TENM2: variants seen among roughly 807,000 people sequenced by gnomAD.
The protein encoded by TENM2 is teneurin-2.
In TENM2, 52 loss-of-function variants were observed where a neutral mutation model predicts 245.2. The ratio of observed to expected loss-of-function variants is 0.21; its 90% CI spans 0.17 to 0.27. The LOEUF (loss-of-function observed/expected upper bound fraction) is 0.27, where lower values mean the gene tolerates loss of function less well. TENM2 is among the 10% of genes least tolerant of loss of function. The pLI is 1.00. For synonymous variants in TENM2, 1,363 were observed against 1,438.9 expected (o/e 0.95, Z 1.19); for missense variants, 3,046 against 3,666.8 (o/e 0.83, Z 4.37).
At chr5:167,439,085 C>T (rs1764741076) in intron 2 of TENM2, among the ~76,000 whole-genome samples, 2 of 152,204 alleles carry the variant, frequency 1.3e-5, no homozygotes. Context: ...TGAGCCGCCG[C>T]ACCGGGCCGC....
chr5:167,470,644 G>C (rs911416696), intron 2 of TENM2, among the ~76,000 whole-genome samples: 5 of 151,588 alleles, frequency 3.3e-5, no homozygotes, highest in African/African-American at 1.2e-4. Flanking sequence ...CTGTTCCATG[G>C]AGGTGGAACT....
intron 2 of TENM2, among the ~76,000 whole-genome samples, chr5:167,781,025 T>C (rs979662451): frequency 6.6e-6 from 1 of 152,222 alleles, no homozygotes; most frequent in Non-Finnish European, 1.5e-5. Flanking sequence ...GTCCCTATGT[T>C]ACAGGCCTGC....
intron 2 of TENM2, among the ~76,000 whole-genome samples, chr5:167,765,724 T>A (rs988027062): frequency 2.0e-5 from 3 of 152,212 alleles, no homozygotes; most frequent in African/African-American, 4.8e-5. Context: ...TATTGAGATG[T>A]GTGGTTTTTT....
intron 2 of TENM2, among the ~76,000 whole-genome samples, chr5:167,703,654 C>A (rs1342300010): frequency 6.6e-6 from 1 of 151,424 alleles, no homozygotes; most frequent in Non-Finnish European, 1.5e-5. Context: ...TAGAAAAAGA[C>A]AGTTTTTATT....
exon 5 of TENM2, chr5:167,993,011 T>G (rs1287021853): frequency 6.2e-7 from 1 of 1,613,982 alleles, no homozygotes. Flanking sequence ...GGGATACCCT[T>G]TGACCTCAGG....
At chr5:167,696,686 C>A (rs1757786939) in intron 2 of TENM2, among the ~76,000 whole-genome samples, 1 of 152,136 alleles carries the variant, frequency 6.6e-6, no homozygotes, top group Admixed American at 6.6e-5. Flanking sequence ...CGGGAATGAC[C>A]AGTTGCTCTT....
At chr5:167,563,120 G>A (rs1773702304) in intron 2 of TENM2, among the ~76,000 whole-genome samples, 1 of 152,122 alleles carries the variant, frequency 6.6e-6, no homozygotes, top group South Asian at 2.1e-4. Context: ...AGCATGAAAA[G>A]ACCAAGCCTC....
At chr5:167,444,934 C>T (rs1410132354) in intron 2 of TENM2, among the ~76,000 whole-genome samples, 1 of 152,118 alleles carries the variant, frequency 6.6e-6, no homozygotes, top group Non-Finnish European at 1.5e-5. Context: ...AAAGTGATCA[C>T]AGGTTCTAAG....
At chr5:167,222,728 C>G in the TENM2 span, among the ~76,000 whole-genome samples, 13 of 152,166 alleles carry the variant, frequency 8.5e-5, no homozygotes, top group Non-Finnish European at 1.2e-4. Context: ...TCCCAGTTCG[C>G]AAAGATGACC....
At chr5:167,336,074 A>T (rs984409845) in intron 1 of TENM2, among the ~76,000 whole-genome samples, 1 of 151,982 alleles carries the variant, frequency 6.6e-6, no homozygotes, top group African/African-American at 2.4e-5. Flanking sequence ...CAGACTCTAT[A>T]CAGTGCTGCC....
chr5:167,685,562 T>A (rs2150389391), intron 2 of TENM2, among the ~76,000 whole-genome samples: 1 of 152,314 alleles, frequency 6.6e-6, no homozygotes, highest in East Asian at 1.9e-4. Context: ...CATTGATATA[T>A]CAGTAGTTTT....
chr5:168,146,310 A>G (rs938901905), intron 12 of TENM2, among the ~76,000 whole-genome samples: 5 of 152,162 alleles, frequency 3.3e-5, no homozygotes, highest in African/African-American at 1.2e-4. Flanking sequence ...GAAAAGGTCT[A>G]AAAAGGTTTC....
At chr5:167,013,278 C>T in the TENM2 span, among the ~76,000 whole-genome samples, 1 of 152,080 alleles carries the variant, frequency 6.6e-6, no homozygotes, top group African/African-American at 2.4e-5. Flanking sequence ...TTTCAATGTC[C>T]TTGACTTCTC....
intron 27 of TENM2, among the ~76,000 whole-genome samples, chr5:168,257,111 G>A (rs1027972266): frequency 2.6e-5 from 4 of 152,146 alleles, no homozygotes; most frequent in Non-Finnish European, 5.9e-5. Flanking sequence ...AAGAAAACAG[G>A]TTTTTAAACT....
the TENM2 span, among the ~76,000 whole-genome samples, chr5:167,224,703 A>AT: frequency 1.5e-4 from 22 of 151,524 alleles, no homozygotes; most frequent in Non-Finnish European, 2.5e-4. Flanking sequence ...AAACTTTAGG[A>AT]TTTTTTTTAT....
the TENM2 span, among the ~76,000 whole-genome samples, chr5:167,270,931 A>G: frequency 6.6e-6 from 1 of 152,138 alleles, no homozygotes; most frequent in East Asian, 1.9e-4. Context: ...AGGATGGTTC[A>G]ATTAGTGATA....
intron 3 of TENM2, among the ~76,000 whole-genome samples, chr5:167,909,555 G>T (rs1776384000): frequency 1.3e-5 from 2 of 152,176 alleles, no homozygotes; most frequent in Admixed American, 1.3e-4. Flanking sequence ...TTATTTGTCA[G>T]TACATTTTAG....
intron 25 of TENM2, among the ~76,000 whole-genome samples, chr5:168,239,118 G>A (rs1765862848): frequency 6.6e-6 from 1 of 152,062 alleles, no homozygotes; most frequent in Non-Finnish European, 1.5e-5. Context: ...TAAACTGGGG[G>A]GGCAGGTATC....
At chr5:168,216,239 G>A (rs1322900873) in intron 21 of TENM2, among the ~76,000 whole-genome samples, 2 of 152,182 alleles carry the variant, frequency 1.3e-5, no homozygotes, top group Non-Finnish European at 2.9e-5. Context: ...CTAGGCCCCA[G>A]TGTCCCCCTG....
Sources: gnomAD v4.1 joint callset for allele counts (sites outside exome capture counted in the v4.1 genomes callset) on GRCh38, gnomAD v4.1.1 for gene constraint, MANE v1.5 for transcripts, NCBI Gene and HGNC (gene_info 2026-07-23, HGNC 2026-07-21) for gene names.